Variants in IQSEC1 observed in about 807,000 individuals in gnomAD.
IQSEC1 encodes IQ motif and SEC7 domain-containing protein 1.
A neutral mutation model predicts 91.0 loss-of-function variants in IQSEC1; 31 were observed. The observed-to-expected ratio is 0.34, with a 90% CI of 0.26 to 0.46. The LOEUF (loss-of-function observed/expected upper bound fraction) is 0.46. IQSEC1 is among the 20% of genes least tolerant of loss of function. The pLI is 1.00. For synonymous variants in IQSEC1, 699 were observed against 662.6 expected, an observed-to-expected ratio of 1.05 and a Z score of -0.84; for missense variants, 1,388 against 1,575.6, an observed-to-expected ratio of 0.88 and a Z score of 2.02.
In IQSEC1 at chr3:12,967,644, C is replaced by A; in HGVS notation, c.24-25779G>T. The A allele has an allele frequency of 8.2e-7, 1 of 1,215,892 alleles. No homozygotes were observed. The highest frequency in any genetic ancestry group is 3.5e-5 in the South Asian group (1 of 28,642). 75.3% of individuals were successfully genotyped at this position (1,215,892 alleles called of 1,614,324 possible). ...GCTCCCGCGGCTCCGGCCCCAAGTC[C>A]GAGCCCCAGGCCAGCCAAGCCCGCC... On this transcript the variant is annotated intron_variant, in intron 1 of 13. Transcript: ENST00000613206. The surrounding 1 kb of genome is among the most constrained non-coding windows in gnomAD (Gnocchi z 5.9).
At chr3:12,995,590 C>T (rs962421703) in intron 1 of IQSEC1, among the ~76,000 whole-genome samples, 6 of 152,206 alleles carry the variant, frequency 3.9e-5, no homozygotes, top group South Asian at 4.1e-4. Flanking sequence ...CACCCACCTG[C>T]GAAGCTGTAG....
intron 1 of IQSEC1, among the ~76,000 whole-genome samples, chr3:13,038,184 A>T (rs1184025057): frequency 2.0e-5 from 3 of 147,562 alleles, no homozygotes; most frequent in African/African-American, 4.9e-5. Flanking sequence ...ATATATAAGT[A>T]TATATAAGTA....
At chr3:13,123,901 G>A (rs73016643) in intron 2 of IQSEC1, among the ~76,000 whole-genome samples, 24,737 of 152,214 alleles carry the variant, frequency 0.16, 2,562 homozygotes, top group East Asian at 0.33. Context: ...GCAAACCATG[G>A]CTCTCGAGCC....
At chr3:13,052,170 C>T (rs551876176) in intron 1 of IQSEC1, among the ~76,000 whole-genome samples, 10 of 152,334 alleles carry the variant, frequency 6.6e-5, no homozygotes, top group African/African-American at 2.2e-4. Context: ...GTCTCCTCAC[C>T]AGGCTCTCCG....
At chr3:12,954,021 G>A (rs1401452742) in intron 1 of IQSEC1, among the ~76,000 whole-genome samples, 1 of 152,212 alleles carries the variant, frequency 6.6e-6, no homozygotes, top group African/African-American at 2.4e-5. Context: ...CGCGTAGTCG[G>A]GTGGGGGACA....
At position 13,061,654 on chromosome 3, in the gene IQSEC1, T is replaced by C. The variant is rs111507893; in HGVS notation, c.23+11338A>G. Among the ~76,000 whole-genome samples, 1,298 of 152,282 alleles carry C rather than the reference T, an allele frequency of 8.5e-3. 32 individuals are homozygous for C. The highest frequency in any genetic ancestry group is 0.029 in the African/African-American group (1,214 of 41,556). Reference sequence around the variant, plus strand: ...GGTGGGGGTGCTGGGCTGGCCTCCCTGGTGCCTAAGCCAGGGATCTGGCTG... The same window carrying C: ...GGTGGGGGTGCTGGGCTGGCCTCCCCGGTGCCTAAGCCAGGGATCTGGCTG... On this transcript the variant is annotated intron_variant, in intron 1 of 13. Transcript: ENST00000613206.
chr3:13,068,035 G>A (rs1486804830), intron 1 of IQSEC1, among the ~76,000 whole-genome samples: 1 of 152,232 alleles, frequency 6.6e-6, no homozygotes, highest in East Asian at 1.9e-4. Context: ...TGGAAGGGGA[G>A]TATCAGCCCC....
chr3:12,987,635 C>A (rs930448535), intron 1 of IQSEC1, among the ~76,000 whole-genome samples: 1 of 152,136 alleles, frequency 6.6e-6, no homozygotes, highest in African/African-American at 2.4e-5. Context: ...TATCCCAACA[C>A]CCTGTAAAGA....
chr3:13,127,240 C>T (rs746663209), intron 2 of IQSEC1, among the ~76,000 whole-genome samples: 63 of 151,968 alleles, frequency 4.1e-4, no homozygotes, highest in Non-Finnish European at 6.8e-4. Context: ...TGGTGAAACC[C>T]CGCCTCTACT....
chr3:13,180,748 G>T (rs1343813151), intron 1 of IQSEC1, among the ~76,000 whole-genome samples: 1 of 149,322 alleles, frequency 6.7e-6, no homozygotes, highest in African/African-American at 2.6e-5. Context: ...AACAACTCCA[G>T]ACGTGCCGCC....
intron 3 of IQSEC1, among the ~76,000 whole-genome samples, chr3:12,929,171 G>C (rs1429847188): frequency 6.6e-6 from 1 of 152,210 alleles, no homozygotes. Flanking sequence ...TAGCCTTTCT[G>C]TGTGTCTGTA....
intron 1 of IQSEC1, among the ~76,000 whole-genome samples, chr3:13,032,897 G>A (rs570288708): frequency 6.6e-6 from 1 of 152,234 alleles, no homozygotes; most frequent in Admixed American, 6.5e-5. Flanking sequence ...TATATATAAA[G>A]CCCCACATTG....
At chr3:13,191,221 C>G (rs1361154828) in intron 1 of IQSEC1, among the ~76,000 whole-genome samples, 1 of 152,212 alleles carries the variant, frequency 6.6e-6, no homozygotes, top group Non-Finnish European at 1.5e-5. Context: ...TCCCTGGCAC[C>G]ACTAAACTCA....
chr3:12,968,817 G>C (rs1051158408), intron 1 of IQSEC1, among the ~76,000 whole-genome samples: 3 of 152,200 alleles, frequency 2.0e-5, no homozygotes, highest in African/African-American at 7.2e-5. Context: ...GCAGGCCTAC[G>C]GGAGTCAGGA....
chr3:13,206,441 C>T (rs1694347083), intron 1 of IQSEC1, among the ~76,000 whole-genome samples: 3 of 152,156 alleles, frequency 2.0e-5, no homozygotes, highest in South Asian at 4.1e-4. Flanking sequence ...TGAGACACCA[C>T]GATATGCCCA....
At chr3:13,109,594 T>G (rs1403323069) in intron 2 of IQSEC1, among the ~76,000 whole-genome samples, 3 of 152,068 alleles carry the variant, frequency 2.0e-5, no homozygotes, top group African/African-American at 7.2e-5. Flanking sequence ...GCTGTCTTCC[T>G]GATAGTGAGT....
At chr3:12,925,344 A>C (rs779757379) in intron 3 of IQSEC1, among the ~76,000 whole-genome samples, 1 of 152,184 alleles carries the variant, frequency 6.6e-6, no homozygotes, top group Non-Finnish European at 1.5e-5. Flanking sequence ...CCCTGTGCAC[A>C]CTAATTCACT....
intron 10 of IQSEC1, among the ~76,000 whole-genome samples, chr3:12,910,101 T>C (rs544815946): frequency 6.6e-6 from 1 of 152,240 alleles, no homozygotes; most frequent in Non-Finnish European, 1.5e-5. Flanking sequence ...TGGGAACATG[T>C]GCCTAGTGAC....
At chr3:12,961,223 A>G (rs1306652556) in intron 1 of IQSEC1, among the ~76,000 whole-genome samples, 1 of 152,216 alleles carries the variant, frequency 6.6e-6, no homozygotes, top group Non-Finnish European at 1.5e-5. Context: ...ACAGGCCACC[A>G]GCTGAGGGCT....
Sources: allele counts gnomAD v4.1 joint callset (sites outside exome capture counted in the v4.1 genomes callset), GRCh38; gene constraint gnomAD v4.1.1; non-coding constraint Gnocchi (gnomAD v3.1); transcripts MANE v1.5; gene names NCBI Gene and HGNC (gene_info 2026-07-23, HGNC 2026-07-21).